The following DIAPH3 variants were observed in gnomAD, a reference collection of about 807,000 sequenced individuals.
DIAPH3 encodes the protein protein diaphanous homolog 3.
In DIAPH3, 117 loss-of-function variants were observed where a neutral mutation model predicts 144.3. The observed-to-expected ratio is 0.81, with a 90% CI of 0.70 to 0.95. The LOEUF (loss-of-function observed/expected upper bound fraction) is 0.95. DIAPH3 is among the 40% of genes least tolerant of loss of function. DIAPH3 has a pLI of 0.00. For missense variants in DIAPH3, 1,421 were observed against 1,412.7 expected (o/e 1.01, Z -0.09); for synonymous variants, 519 against 488.9 (o/e 1.06, Z -0.81).
chr13:59,852,000 G>C (rs905333533), intron 22 of DIAPH3, among the ~76,000 whole-genome samples: 1 of 151,762 alleles, frequency 6.6e-6, no homozygotes, highest in African/African-American at 2.4e-5. Flanking sequence ...TAATACAAGT[G>C]CCTAGCACAA....
At chr13:59,856,876 T>A (rs1305325016) in intron 22 of DIAPH3, among the ~76,000 whole-genome samples, 1 of 151,012 alleles carries the variant, frequency 6.6e-6, no homozygotes, top group Non-Finnish European at 1.5e-5. Flanking sequence ...ACCTATTAAC[T>A]ACATCATATA....
At chr13:59,690,572 A>G (rs937277456) in intron 27 of DIAPH3, among the ~76,000 whole-genome samples, 10 of 152,210 alleles carry the variant, frequency 6.6e-5, no homozygotes, top group African/African-American at 2.4e-4. Context: ...TTACAGCTAC[A>G]TTATGGGTTA....
intron 1 of DIAPH3, among the ~76,000 whole-genome samples, chr13:60,151,426 A>T (rs9598091): frequency 1.3e-5 from 2 of 152,058 alleles, no homozygotes; most frequent in African/African-American, 4.8e-5. Flanking sequence ...TCAGAGCCAC[A>T]TTGCCAGGCC....
chr13:59,980,907 C>A, intron 13 of DIAPH3, 48 bp from the exon 14 acceptor site: 1 of 1,462,154 alleles, frequency 6.8e-7, no homozygotes. Flanking sequence ...TTCTTAAACT[C>A]ATTATGACTT....
At chr13:59,973,307 C>G (rs2050492377) in intron 15 of DIAPH3, among the ~76,000 whole-genome samples, 1 of 151,986 alleles carries the variant, frequency 6.6e-6, no homozygotes, top group South Asian at 2.1e-4. Context: ...ATTTACGTTA[C>G]CCCAGACCAA....
At chr13:60,011,342 C>A (rs576668195) in intron 7 of DIAPH3, among the ~76,000 whole-genome samples, 2 of 152,238 alleles carry the variant, frequency 1.3e-5, no homozygotes, top group East Asian at 3.9e-4. Context: ...CCATGAAAAT[C>A]TTTTTCCTGG....
At position 59,799,375 on chromosome 13, in the gene DIAPH3, G is replaced by GCACACA. The variant is rs56979042; in HGVS notation, c.3163+11407_3163+11412dup. 5.5e-3 allele frequency among the ~76,000 whole-genome samples: 769 copies of GCACACA among 139,350 alleles called. 4 individuals are homozygous for GCACACA. Among genetic ancestry groups the GCACACA allele is most frequent in the Middle Eastern group, 0.019 (5 of 270 alleles). 91.4% of individuals were successfully genotyped at this position (139,350 alleles called of 152,430 possible). A position where few individuals can be genotyped will look rare whatever the true frequency, so the allele number is the denominator to read the frequency against. The stretch of plus-strand genomic sequence containing the variant: ...TCTCTACTGAAATTACTGGAAATAT[G>GCACACA]CACACACACACACACACACACACAC... On this transcript the variant is annotated intron_variant, in intron 25 of 27. Coordinates refer to ENST00000400324, the MANE Select transcript of DIAPH3 (RefSeq NM_001042517.2).
chr13:59,921,274 C>CA (rs778984590), intron 18 of DIAPH3, among the ~76,000 whole-genome samples: 11,611 of 118,884 alleles, frequency 0.098, 502 homozygotes, highest in African/African-American at 0.14. Context: ...CAGAAAATAC[C>CA]AAAAAAAAAA....
chr13:59,895,564 A>C (rs1210068927), intron 20 of DIAPH3, among the ~76,000 whole-genome samples: 1 of 152,240 alleles, frequency 6.6e-6, no homozygotes, highest in Admixed American at 6.5e-5. Flanking sequence ...AAAGGGAAGA[A>C]AAATCAACTC....
chr13:59,686,866 C>A (rs1333368651), intron 27 of DIAPH3, among the ~76,000 whole-genome samples: 1 of 152,004 alleles, frequency 6.6e-6, no homozygotes, highest in South Asian at 2.1e-4. Flanking sequence ...AGCACTAGGA[C>A]AACAATGAAA....
intron 25 of DIAPH3, among the ~76,000 whole-genome samples, chr13:59,800,491 T>C (rs754982059): frequency 1.3e-5 from 2 of 152,190 alleles, no homozygotes; most frequent in Non-Finnish European, 2.9e-5. Flanking sequence ...TGGGTTCTTC[T>C]AATATTTTCT....
intron 4 of DIAPH3, among the ~76,000 whole-genome samples, chr13:60,086,058 C>A (rs1247072826): frequency 2.0e-5 from 3 of 151,892 alleles, no homozygotes; most frequent in Admixed American, 6.6e-5. Flanking sequence ...TCTGATGAAG[C>A]CTTTTTTAAA....
chr13:59,931,396 G>A (rs1326037816), intron 17 of DIAPH3, among the ~76,000 whole-genome samples: 1 of 152,074 alleles, frequency 6.6e-6, no homozygotes, highest in African/African-American at 2.4e-5. Flanking sequence ...AAAACTTAGT[G>A]GCAAAGCCTT....
At chr13:59,899,047 C>G (rs927312688) in intron 20 of DIAPH3, among the ~76,000 whole-genome samples, 1 of 152,146 alleles carries the variant, frequency 6.6e-6, no homozygotes, top group Non-Finnish European at 1.5e-5. Context: ...TTCCTGCCCT[C>G]GAACATCAGA....
intron 27 of DIAPH3, among the ~76,000 whole-genome samples, chr13:59,762,992 T>C (rs2037681061): frequency 6.6e-6 from 1 of 152,118 alleles, no homozygotes; most frequent in Non-Finnish European, 1.5e-5. Flanking sequence ...AGAGCCTCAA[T>C]CTTGAACTTC....
intron 18 of DIAPH3, among the ~76,000 whole-genome samples, chr13:59,919,770 T>C (rs1706545115): frequency 6.6e-6 from 1 of 152,018 alleles, no homozygotes; most frequent in South Asian, 2.1e-4. Context: ...ATTCTAATAA[T>C]GTAATAGTGG....
At chr13:60,134,889 G>T (rs1490194010) in intron 1 of DIAPH3, among the ~76,000 whole-genome samples, 1 of 152,070 alleles carries the variant, frequency 6.6e-6, no homozygotes, top group Non-Finnish European at 1.5e-5. Context: ...AGCTTGAATT[G>T]CCTCAGGAAA....
At chr13:59,760,328 A>C (rs2139184015) in intron 27 of DIAPH3, among the ~76,000 whole-genome samples, 1 of 152,338 alleles carries the variant, frequency 6.6e-6, no homozygotes, top group Middle Eastern at 3.4e-3. Context: ...TTTGGATTTA[A>C]TAAAACTCTG....
chr13:59,995,214 AC>A (rs1433958827), intron 9 of DIAPH3, among the ~76,000 whole-genome samples: 1 of 151,800 alleles, frequency 6.6e-6, no homozygotes, highest in Non-Finnish European at 1.5e-5. Context: ...ATTACTGACT[AC>A]CTACAACTTC....
Sources: gnomAD v4.1 joint callset for allele counts (sites outside exome capture counted in the v4.1 genomes callset) on GRCh38, gnomAD v4.1.1 for gene constraint, MANE v1.5 for transcripts, NCBI Gene and HGNC (gene_info 2026-07-23, HGNC 2026-07-21) for gene names.